Variants in BRD4 observed in about 807,000 individuals in gnomAD.
The protein encoded by BRD4 is bromodomain-containing protein 4.
A neutral mutation model predicts 142.1 loss-of-function variants in BRD4; 16 were observed. The ratio of observed to expected loss-of-function variants is 0.11; its 90% confidence interval spans 0.08 to 0.17. The LOEUF (loss-of-function observed/expected upper bound fraction) is 0.17, where lower values mean the gene tolerates loss of function less well. BRD4 is among the 10% of genes least tolerant of loss of function. BRD4 has a pLI of 1.00. For synonymous variants in BRD4, 833 were observed against 707.5 expected, an observed-to-expected ratio of 1.18 and a Z score of -2.82; for missense variants, 1,424 against 1,810.9, an observed-to-expected ratio of 0.79 and a Z score of 3.88.
At chr19:15,311,291 CA>C (rs956847035) in intron 1 of BRD4, among the ~76,000 whole-genome samples, 3 of 145,864 alleles carry the variant, frequency 2.1e-5, no homozygotes, top group Non-Finnish European at 3.0e-5. Flanking sequence ...AACTCTGTCT[CA>C]AAAAAAAACA....
intron 1 of BRD4, among the ~76,000 whole-genome samples, chr19:15,296,169 G>A (rs979981992): frequency 3.3e-5 from 5 of 152,052 alleles, no homozygotes; most frequent in South Asian, 2.1e-4. Context: ...CAGGAGAATC[G>A]CTTGAACCCG....
chr19:15,304,319 GCCT>G (rs2047895684), intron 1 of BRD4, among the ~76,000 whole-genome samples: 1 of 152,210 alleles, frequency 6.6e-6, no homozygotes, highest in Non-Finnish European at 1.5e-5. Context: ...CTCACTCAGT[GCCT>G]CGAGGCTCCC....
At chr19:15,302,964 C>T (rs1238502847) in intron 1 of BRD4, among the ~76,000 whole-genome samples, 3 of 144,592 alleles carry the variant, frequency 2.1e-5, no homozygotes, top group East Asian at 2.1e-4. Context: ...GCCGAGATCG[C>T]GCCACTGCAC....
intron 1 of BRD4, among the ~76,000 whole-genome samples, chr19:15,310,663 T>G (rs936264108): frequency 4.7e-5 from 7 of 150,292 alleles, no homozygotes; most frequent in African/African-American, 1.5e-4. Context: ...CTGGCCAATT[T>G]TTATAGTTTT....
At chr19:15,242,579 C>G (rs1335722829) in intron 14 of BRD4, among the ~76,000 whole-genome samples, 1 of 152,134 alleles carries the variant, frequency 6.6e-6, no homozygotes, top group Admixed American at 6.5e-5. Flanking sequence ...TATCCTGACC[C>G]CCTGAGGTGC....
At position 15,238,939 on chromosome 19, in the gene BRD4, G is replaced by A. The variant is rs2047215637; in HGVS notation, c.3824C>T (p.Ala1275Val). The change falls in exon 19 of 20, where the codon GCC becomes GTC. Residue 1275 changes from alanine (A) to valine (V), a missense_variant. By Grantham distance (64) the Ala-to-Val change is moderately conservative. This residue lies in a region of BRD4 where 109 missense variants were observed against 117.9 expected (regional missense o/e 0.92). Transcript: ENST00000679869. This position sits in a 1 kb window ranked among gnomAD's most constrained non-coding sequence, Gnocchi z 7.2. ...CTGGCGCCGACGTGCCTCCTCATGG[G>A]CCCGCCGGGCCTGCTCCAGCGCATC... ...DEDALEQARR[A>V]HEEARRRQEQ... 1 of 1,597,090 alleles carries A rather than the reference G, an allele frequency of 6.3e-7. No homozygotes were observed. The highest frequency in any genetic ancestry group is 1.3e-5 in the African/African-American group (1 of 74,742).
At chr19:15,263,284 C>T (rs1048596663) in intron 7 of BRD4, 136 bp downstream of exon 7, 32 of 1,147,738 alleles carry the variant, frequency 2.8e-5, no homozygotes, top group Admixed American at 7.0e-5. Context: ...TGACTTTAGG[C>T]ACTTTTCTAA....
At chr19:15,314,195 TCC>T (rs1325906482) in intron 1 of BRD4, among the ~76,000 whole-genome samples, 2 of 152,030 alleles carry the variant, frequency 1.3e-5, no homozygotes, top group South Asian at 4.1e-4. Context: ...CCAGTCCTGC[TCC>T]CAAAACCCTG....
intron 1 of BRD4, among the ~76,000 whole-genome samples, chr19:15,274,001 A>G (rs2047619179): frequency 6.6e-6 from 1 of 152,098 alleles, no homozygotes; most frequent in South Asian, 2.1e-4. Flanking sequence ...TTTTTTGTAA[A>G]TGCAGTTCTG....
Position 15,238,581 on chromosome 19 carries a change from A to T in BRD4, c.4021-136T>A. On this transcript the variant is annotated intron_variant, in intron 19 of 19. Coordinates refer to ENST00000679869, the MANE Select transcript of BRD4 (RefSeq NM_001379291.1). The surrounding 1 kb of genome is among the most constrained non-coding windows in gnomAD (Gnocchi z 7.2). ...CCCTCATAGCGCTCACCCCGTCCAC[A>T]CAGCACTCAGGGCCCTACAGCTGAG... 2.0e-6 allele frequency: 3 copies of T among 1,516,074 alleles called. No homozygotes were observed. The highest frequency in any genetic ancestry group is 2.7e-6 in the Non-Finnish European group (3 of 1,130,736). The allele number at this position is 1,516,074 out of a possible 1,614,324, so 93.9% of individuals were successfully genotyped here.
chr19:15,257,265 A>C, intron 7 of BRD4, 92 bp from the exon 8 acceptor site: 2 of 1,217,798 alleles, frequency 1.6e-6, no homozygotes, highest in Non-Finnish European at 2.3e-6. Context: ...GGCCAACTCA[A>C]CAGAAAGCAA....
intron 1 of BRD4, among the ~76,000 whole-genome samples, chr19:15,280,822 C>A (rs1439702070): frequency 6.6e-6 from 1 of 152,180 alleles, no homozygotes; most frequent in Admixed American, 6.5e-5. Flanking sequence ...AGATTCTGCC[C>A]AGGGACAAAA....
At chr19:15,295,414 G>A (rs887539940) in intron 1 of BRD4, among the ~76,000 whole-genome samples, 1 of 152,170 alleles carries the variant, frequency 6.6e-6, no homozygotes, top group Non-Finnish European at 1.5e-5. Flanking sequence ...TCCTTCAAAA[G>A]GCTTTCCGTG....
chr19:15,317,196 C>A (rs563897304), intron 1 of BRD4, among the ~76,000 whole-genome samples: 1 of 152,344 alleles, frequency 6.6e-6, no homozygotes, highest in African/African-American at 2.4e-5. Flanking sequence ...CCTTCCGTAT[C>A]TGCAAACCGG....
chr19:15,325,769 C>T (rs1033909788), intron 1 of BRD4, among the ~76,000 whole-genome samples: 24 of 152,024 alleles, frequency 1.6e-4, no homozygotes, highest in Non-Finnish European at 1.8e-4. Flanking sequence ...GAGGCTGAGG[C>T]GGGCGGATCA....
At position 15,244,691 on chromosome 19, in the gene BRD4, T is replaced by C. The variant is rs902889312; in HGVS notation, c.2211+19A>G. On this transcript the variant is annotated intron_variant, in intron 12 of 19. Transcript: ENST00000679869. The stretch of plus-strand genomic sequence containing the variant: ...ACCCAACGTCCCACCTAATGAAGGA[T>C]GCCCCTGAGCCCATGTACCTTCTTC... The C allele has an allele frequency of 3.1e-6, 5 of 1,614,018 alleles. No homozygotes were observed. Among genetic ancestry groups the C allele is most frequent in the Non-Finnish European group, 4.2e-6 (5 of 1,179,998 alleles).
At chr19:15,283,404 C>T (rs189366624) in intron 1 of BRD4, among the ~76,000 whole-genome samples, 1 of 152,262 alleles carries the variant, frequency 6.6e-6, no homozygotes, top group Admixed American at 6.5e-5. Flanking sequence ...AAAAACTAAG[C>T]TTATAATCCT....
intron 1 of BRD4, among the ~76,000 whole-genome samples, chr19:15,292,640 T>TG (rs2047790857): frequency 6.6e-6 from 1 of 151,358 alleles, no homozygotes; most frequent in South Asian, 2.1e-4. Flanking sequence ...TAGCTGGGCG[T>TG]GGTGGCGGGC....
At chr19:15,286,935 G>A (rs927619658) in intron 1 of BRD4, among the ~76,000 whole-genome samples, 1 of 152,222 alleles carries the variant, frequency 6.6e-6, no homozygotes, top group Admixed American at 6.5e-5. Context: ...CCAAGGGCAG[G>A]CATTTTAGGA....
Sources: gnomAD v4.1 joint callset for allele counts (sites outside exome capture counted in the v4.1 genomes callset) on GRCh38, gnomAD v4.1.1 for gene constraint, gnomAD v4.1.1 regional missense constraint, Gnocchi (gnomAD v3.1) non-coding constraint, MANE v1.5 for transcripts, NCBI Gene and HGNC (gene_info 2026-07-23, HGNC 2026-07-21) for gene names.